The following DTWD1 variants were observed in gnomAD, a reference collection of about 807,000 sequenced individuals.
The protein encoded by DTWD1 is DTW motif tRNA-uridine aminocarboxypropyltransferase 1, also known as tRNA-uridine aminocarboxypropyltransferase 1.
DTWD1 carries 27 observed loss-of-function variants against 30.2 expected under a neutral mutation model. The observed-to-expected ratio is 0.90, with a 90% CI of 0.66 to 1.23. The LOEUF (loss-of-function observed/expected upper bound fraction) is 1.23, where lower values mean the gene tolerates loss of function less well. DTWD1 is among the 50% of genes most tolerant of loss of function. The pLI, the probability that DTWD1 is intolerant of heterozygous loss-of-function variation, is 0.00. For missense variants in DTWD1, 342 were observed against 348.8 expected (o/e 0.98, Z 0.15); for synonymous variants, 99 against 113.1 (o/e 0.88, Z 0.79).
intron 2 of DTWD1, chr15:49,629,621 G>C (rs1199419535): frequency 6.6e-6 from 1 of 152,178 alleles, no homozygotes; most frequent in African/African-American, 2.4e-5. Context: ...ACCCTAGGGA[G>C]AGGGAAGGTA....
At chr15:49,642,985 C>T (rs75504460) in intron 4 of DTWD1, among the ~76,000 whole-genome samples, 1,663 of 152,152 alleles carry the variant, frequency 0.011, 34 homozygotes, top group African/African-American at 0.039. Context: ...TTGGTGAATG[C>T]AGTCCTGTCA....
chr15:49,626,894 GTAATAAT>G (rs1390650092), intron 2 of DTWD1: 2 of 316,246 alleles, frequency 6.3e-6, no homozygotes, highest in Non-Finnish European at 1.4e-5. Flanking sequence ...GAACTTGAGG[GTAATAAT>G]TATTTTCAAG....
Position 49,652,104 on chromosome 15 carries a change from G to T in DTWD1, c.*8526G>T, listed in dbSNP as rs183561828. The T allele has an allele frequency of 6.6e-6, 1 of 152,004 alleles. No individual in the cohort carries two copies. The highest frequency in any genetic ancestry group is 1.5e-5 in the Non-Finnish European group (1 of 67,990). 9.4% of individuals were successfully genotyped at this position (152,004 alleles called of 1,614,324 possible). On this transcript the variant is annotated 3_prime_UTR_variant, in exon 5 of 5. Coordinates refer to ENST00000403028, the MANE Select transcript of DTWD1 (RefSeq NM_001144955.2). ...AGATGCAAAGAGAGTAGAAGAAGAG[G>T]TGCCTCCCCTCCGTGCCATCACTTT...
intron 2 of DTWD1, among the ~76,000 whole-genome samples, chr15:49,626,135 GGGA>G (rs2078841268): frequency 6.6e-6 from 1 of 151,738 alleles, no homozygotes; most frequent in Non-Finnish European, 1.5e-5. Flanking sequence ...TTTACAACAT[GGGA>G]AAAAATGTGT....
At position 49,643,393 on chromosome 15, in the gene DTWD1, C is replaced by T; in HGVS notation, c.730C>T (p.Pro244Ser). 2 of 1,589,732 alleles carry T rather than the reference C, an allele frequency of 1.3e-6. No homozygotes were observed. The highest frequency in any genetic ancestry group is 1.7e-6 in the Non-Finnish European group (2 of 1,172,054). The change falls in exon 5 of 5, where the codon CCA (proline) becomes TCA (serine). Residue 244 changes from proline (P) to serine (S), a missense_variant. Physicochemically the swap from Pro to Ser is moderately conservative, Grantham distance 74. Transcript: ENST00000403028. ...CTTTTGGCGCCATCAAAAAGGAAAG[C>T]CAGATACTTTCCTTTCTACAATTGA... The part of the protein sequence containing the change: ...TCFWRHQKGK[P>S]DTFLSTIEAI...
rs1245938018 is a variant in DTWD1, at chr15:49,644,185, A to G, written c.*607A>G. ...TGTACAAAGCAGGCAATACTGAGCA[A>G]CTACCTTATAGGAATAACTGAGTTA... On this transcript the variant is annotated 3_prime_UTR_variant, in exon 5 of 5. Coordinates refer to ENST00000403028, the MANE Select transcript of DTWD1 (RefSeq NM_001144955.2). 1 of 152,212 alleles carries G rather than the reference A, an allele frequency of 6.6e-6. No individual in the cohort carries two copies. The highest frequency in any genetic ancestry group is 1.5e-5 in the Non-Finnish European group (1 of 68,046). The allele number at this position is 152,212 out of a possible 1,614,324, so 9.4% of individuals were successfully genotyped here. A position where few individuals can be genotyped will look rare whatever the true frequency, so the allele number is the denominator to read the frequency against.
intron 4 of DTWD1, among the ~76,000 whole-genome samples, chr15:49,641,281 G>T (rs1165210449): frequency 6.6e-6 from 1 of 151,266 alleles, no homozygotes; most frequent in Non-Finnish European, 1.5e-5. Flanking sequence ...TTTTGATTGA[G>T]GTTTTTTCTT....
chr15:49,629,955 A>G (rs2078897182), intron 2 of DTWD1: 1 of 152,210 alleles, frequency 6.6e-6, no homozygotes, highest in Admixed American at 6.5e-5. Context: ...ATAATTGTCC[A>G]GGAAGAAAAA....
chr15:49,624,886 T>G (rs1032708303), intron 1 of DTWD1, among the ~76,000 whole-genome samples: 1 of 152,164 alleles, frequency 6.6e-6, no homozygotes, highest in African/African-American at 2.4e-5. Context: ...CAAAAAAGGG[T>G]TCTTGAAAAA....
intron 4 of DTWD1, among the ~76,000 whole-genome samples, chr15:49,642,170 G>A (rs182901782): frequency 3.3e-5 from 5 of 152,092 alleles, no homozygotes; most frequent in Middle Eastern, 3.4e-3. Flanking sequence ...TGTGACAGTG[G>A]GAAATCATTA....
At chr15:49,637,203 A>G (rs2079013201) in intron 4 of DTWD1, among the ~76,000 whole-genome samples, 1 of 151,724 alleles carries the variant, frequency 6.6e-6, no homozygotes, top group Non-Finnish European at 1.5e-5. Context: ...TTTTCTTTTT[A>G]ATTCAATATG....
intron 4 of DTWD1, among the ~76,000 whole-genome samples, chr15:49,640,244 A>G (rs1293730697): frequency 6.6e-6 from 1 of 152,060 alleles, no homozygotes; most frequent in Non-Finnish European, 1.5e-5. Context: ...CTAAAGTCAC[A>G]TTTTGTTTCT....
rs896401220 is a variant in DTWD1, at chr15:49,655,092, T to G, written c.*11514T>G. 6.6e-6 allele frequency: 1 copy of G among 152,034 alleles called. No individual in the cohort carries two copies. Among genetic ancestry groups the G allele is most frequent in the African/African-American group, 2.4e-5 (1 of 41,398 alleles). The allele number at this position is 152,034 out of a possible 1,614,324, so 9.4% of individuals were successfully genotyped here. On this transcript the variant is annotated 3_prime_UTR_variant, in exon 5 of 5. Transcript: ENST00000403028. ...GTCCTCACCTCCAAATCTAGCACAT[T>G]GAGGTTTAGGGCTTCAACATATGAA... is the stretch of plus-strand genomic sequence containing the variant.
At chr15:49,640,109 C>T (rs1346258375) in intron 4 of DTWD1, among the ~76,000 whole-genome samples, 1 of 152,062 alleles carries the variant, frequency 6.6e-6, no homozygotes, top group East Asian at 1.9e-4. Context: ...CCTTCTTCCC[C>T]TGACAGTTAT....
Position 49,655,753 on chromosome 15 carries a change from A to G in DTWD1, c.*12175A>G, listed in dbSNP as rs141990130. The G allele has an allele frequency of 3.3e-5, 5 of 151,926 alleles. No individual in the cohort carries two copies. Among genetic ancestry groups the G allele is most frequent in the Non-Finnish European group, 1.5e-5 (1 of 67,956 alleles). The allele number at this position is 151,926 out of a possible 1,614,324, so 9.4% of individuals were successfully genotyped here. A position where few individuals can be genotyped will look rare whatever the true frequency, so the allele number is the denominator to read the frequency against. On this transcript the variant is annotated 3_prime_UTR_variant, in exon 5 of 5. Coordinates refer to ENST00000403028, the MANE Select transcript of DTWD1 (RefSeq NM_001144955.2). ...ACTGTTGGCACGTTCGGCTTTTCTC[A>G]TCTTTTCCCTGAGATCATTTATGAT...
In DTWD1 at chr15:49,643,683, C is replaced by A; in HGVS notation, c.*105C>A. On this transcript the variant is annotated 3_prime_UTR_variant, in exon 5 of 5. Coordinates refer to ENST00000403028, the MANE Select transcript of DTWD1 (RefSeq NM_001144955.2). ...TAATCATATATAATGCCTGTAAGAC[C>A]ATTTGAAAAAATTCCAGTTTCATAT... 8.2e-7 allele frequency: 1 copy of A among 1,222,350 alleles called. No homozygotes were observed. The highest frequency in any genetic ancestry group is 1.1e-6 in the Non-Finnish European group (1 of 923,850). 75.7% of individuals were successfully genotyped at this position (1,222,350 alleles called of 1,614,324 possible). A position where few individuals can be genotyped will look rare whatever the true frequency, so the allele number is the denominator to read the frequency against.
At position 49,645,392 on chromosome 15, in the gene DTWD1, T is replaced by C. The variant is rs1193931874; in HGVS notation, c.*1814T>C. ...ATATTATGCTATTCATAAAAAGGAA[T>C]GTGGATTATATAAGGCTTGAACATT... On this transcript the variant is annotated 3_prime_UTR_variant, in exon 5 of 5. Transcript: ENST00000403028. The C allele has an allele frequency of 1.3e-5, 2 of 152,166 alleles. No individual in the cohort carries two copies. The highest frequency in any genetic ancestry group is 4.8e-5 in the African/African-American group (2 of 41,444). 9.4% of individuals were successfully genotyped at this position (152,166 alleles called of 1,614,324 possible).
intron 2 of DTWD1, chr15:49,630,930 A>G (rs1180987073): frequency 2.4e-6 from 1 of 412,696 alleles, no homozygotes; most frequent in Non-Finnish European, 4.9e-6. Context: ...TGTGCATACA[A>G]GGGACCTAGA....
intron 4 of DTWD1, 29 bp downstream of exon 4, chr15:49,634,823 T>C (rs1052327172): frequency 2.0e-6 from 3 of 1,537,108 alleles, no homozygotes; most frequent in Non-Finnish European, 2.6e-6. Context: ...TTTGGACTGC[T>C]CCTCCCTCAG....
Sources: gnomAD v4.1 joint callset for allele counts (sites outside exome capture counted in the v4.1 genomes callset) on GRCh38, gnomAD v4.1.1 for gene constraint, MANE v1.5 for transcripts, NCBI Gene and HGNC (gene_info 2026-07-23, HGNC 2026-07-21) for gene names.